ARK2N: variants seen among roughly 807,000 people sequenced by gnomAD.
ARK2N encodes arkadia (RNF111) N-terminal like PKA signaling regulator 2N.
the ARK2N span, among the ~76,000 whole-genome samples, chr18:46,231,265 TG>T: frequency 0.011 from 1,743 of 152,278 alleles, 61 homozygotes; most frequent in East Asian, 0.12. Context: ...GTTTTTTGTT[TG>T]TATGGATTTT....
At chr18:46,174,840 G>GC in the ARK2N span, among the ~76,000 whole-genome samples, 11 of 152,198 alleles carry the variant, frequency 7.2e-5, no homozygotes, top group African/African-American at 2.7e-4. Context: ...TGCCCCTGCA[G>GC]CGGAGAGCTC....
the ARK2N span, among the ~76,000 whole-genome samples, chr18:46,176,373 A>T: frequency 1.8e-4 from 27 of 152,222 alleles, no homozygotes; most frequent in South Asian, 5.2e-3. Flanking sequence ...ATAACTGAGG[A>T]TATGGAAATA....
the ARK2N span, among the ~76,000 whole-genome samples, chr18:46,177,586 G>T: frequency 6.6e-6 from 1 of 151,648 alleles, no homozygotes; most frequent in African/African-American, 2.4e-5. Context: ...CTGCCACCAC[G>T]CCTGACTAAT....
At chr18:46,259,248 T>C in the ARK2N span, among the ~76,000 whole-genome samples, 1 of 150,442 alleles carries the variant, frequency 6.6e-6, no homozygotes, top group African/African-American at 2.4e-5. Context: ...TCTTTCTTTT[T>C]TTTTTTTTTT....
At chr18:46,186,948 G>A in the ARK2N span, among the ~76,000 whole-genome samples, 2 of 151,000 alleles carry the variant, frequency 1.3e-5, no homozygotes, top group South Asian at 2.1e-4. Context: ...TCTGCCTCCC[G>A]GATTCAAGTG....
the ARK2N span, among the ~76,000 whole-genome samples, chr18:46,182,628 C>A: frequency 6.9e-6 from 1 of 145,436 alleles, no homozygotes; most frequent in Non-Finnish European, 1.5e-5. Context: ...TTAAATTATT[C>A]TTGATTTACA....
chr18:46,183,395 T>G, the ARK2N span, among the ~76,000 whole-genome samples: 1 of 152,214 alleles, frequency 6.6e-6, no homozygotes, highest in Non-Finnish European at 1.5e-5. Context: ...ATATATATTC[T>G]TTCTCTTGCT....
chr18:46,262,512 T>C, the ARK2N span, among the ~76,000 whole-genome samples: 3 of 152,246 alleles, frequency 2.0e-5, no homozygotes, highest in African/African-American at 7.2e-5. Context: ...AAGCTTATTT[T>C]AAGAACAAGT....
the ARK2N span, among the ~76,000 whole-genome samples, chr18:46,195,507 C>T: frequency 2.0e-5 from 3 of 150,174 alleles, no homozygotes; most frequent in South Asian, 4.2e-4. Context: ...CCTTGGCCTC[C>T]CAAAGTGCTG....
the ARK2N span, among the ~76,000 whole-genome samples, chr18:46,185,642 TTG>T: frequency 6.6e-6 from 1 of 152,204 alleles, no homozygotes; most frequent in African/African-American, 2.4e-5. Context: ...GCATTGCAAT[TTG>T]TCTCTTGTTT....
At chr18:46,185,556 AC>A in the ARK2N span, among the ~76,000 whole-genome samples, 45 of 152,348 alleles carry the variant, frequency 3.0e-4, no homozygotes, top group East Asian at 8.1e-3. Flanking sequence ...TCTTTTTGTG[AC>A]AATTGCTAAA....
chr18:46,187,815 A>G, the ARK2N span, among the ~76,000 whole-genome samples: 2 of 152,182 alleles, frequency 1.3e-5, no homozygotes, highest in Non-Finnish European at 2.9e-5. Context: ...TAATAAACAT[A>G]ACATGGTTTA....
At chr18:46,228,111 TTAAG>T in the ARK2N span, among the ~76,000 whole-genome samples, 1 of 152,112 alleles carries the variant, frequency 6.6e-6, no homozygotes, top group Non-Finnish European at 1.5e-5. Context: ...TTTTTTAAAA[TTAAG>T]TTTTACATCA....
chr18:46,226,015 A>AT, the ARK2N span, among the ~76,000 whole-genome samples: 1 of 152,092 alleles, frequency 6.6e-6, no homozygotes, highest in Admixed American at 6.5e-5. Flanking sequence ...ATCTCTTAGC[A>AT]CTTACTCTCT....
At chr18:46,243,858 C>T in the ARK2N span, among the ~76,000 whole-genome samples, 2 of 152,258 alleles carry the variant, frequency 1.3e-5, no homozygotes, top group South Asian at 2.1e-4. Flanking sequence ...GTGTTTACTA[C>T]GGAGGACAGC....
the ARK2N span, among the ~76,000 whole-genome samples, chr18:46,234,774 A>T: frequency 6.6e-6 from 1 of 152,136 alleles, no homozygotes; most frequent in Admixed American, 6.5e-5. Context: ...TGTTGTGTGG[A>T]TAACAGAACC....
At chr18:46,250,599 G>T in the ARK2N span, among the ~76,000 whole-genome samples, 1 of 150,588 alleles carries the variant, frequency 6.6e-6, no homozygotes, top group African/African-American at 2.4e-5. Context: ...TGGTTTTGTT[G>T]CCTCCAGTAT....
the ARK2N span, among the ~76,000 whole-genome samples, chr18:46,262,017 G>T: frequency 1.3e-5 from 2 of 152,206 alleles, no homozygotes; most frequent in South Asian, 4.1e-4. Flanking sequence ...TGGTAGTTTA[G>T]TGACTAGACT....
At chr18:46,183,007 C>CT in the ARK2N span, among the ~76,000 whole-genome samples, 38 of 151,894 alleles carry the variant, frequency 2.5e-4, no homozygotes, top group South Asian at 4.2e-4. Context: ...TTTCTGTACT[C>CT]TAACTTTTTA....
Sources: allele counts gnomAD v4.1 joint callset (sites outside exome capture counted in the v4.1 genomes callset), GRCh38; gene constraint gnomAD v4.1.1; transcripts MANE v1.5; gene names NCBI Gene and HGNC (gene_info 2026-07-23, HGNC 2026-07-21).